The following TMEM63A variants were observed in gnomAD, a reference collection of about 807,000 sequenced individuals.
TMEM63A encodes mechanosensitive cation channel TMEM63A.
Under a neutral mutation model 100.6 loss-of-function variants are expected in TMEM63A, and 76 were observed. The observed-to-expected ratio is 0.76, with a 90% CI of 0.63 to 0.91. The LOEUF is 0.91. TMEM63A is among the 40% of genes least tolerant of loss of function. The probability of loss-of-function intolerance (pLI) is 0.00; values close to 1 mark genes in which losing one functional copy is unlikely to be tolerated. For missense variants in TMEM63A, 876 were observed against 1,008.8 expected, an observed-to-expected ratio of 0.87 and a Z score of 1.78; for synonymous variants, 401 against 401.1, an observed-to-expected ratio of 1.00 and a Z score of 0.00.
At position 225,867,867 on chromosome 1, in the gene TMEM63A, A is replaced by G; in HGVS notation, c.514+21T>C. 1.9e-6 allele frequency: 3 copies of G among 1,613,990 alleles called. No homozygotes were observed. The highest frequency in any genetic ancestry group is 2.5e-6 in the Non-Finnish European group (3 of 1,179,956). ...CACTCTGCCCCATTACAACATAGAC[A>G]AGGGTGAGGAGGGTCATTACCCAGC... On this transcript the variant is annotated intron_variant, in intron 7 of 24. Transcript: ENST00000366835. The surrounding 1 kb of genome is among the most constrained non-coding windows in gnomAD (Gnocchi z 4.6).
downstream of TMEM63A, among the ~76,000 whole-genome samples, chr1:225,841,740 T>G (rs1179050466): frequency 6.6e-6 from 1 of 152,026 alleles, no homozygotes; most frequent in Non-Finnish European, 1.5e-5. Flanking sequence ...TAGCTGGGAT[T>G]ACAGGCATGC....
At chr1:225,864,722 T>C (rs1223913475) in intron 10 of TMEM63A, 1 of 152,270 alleles carries the variant, frequency 6.6e-6, no homozygotes, top group Non-Finnish European at 1.5e-5. Flanking sequence ...TTTACGATCC[T>C]GTCTAGCAAT....
chr1:225,877,386 G>T lies in TMEM63A; in HGVS notation c.186+9C>A. 6.2e-7 allele frequency: 1 copy of T among 1,607,420 alleles called. No individual in the cohort carries two copies. The highest frequency in any genetic ancestry group is 8.5e-7 in the Non-Finnish European group (1 of 1,174,756). ...GAGGCAGTGGGACACGACTCATGAG[G>T]GCTCTCACCAGGAAGCAGCTGACGT... On this transcript the variant is annotated intron_variant, in intron 3 of 24. Transcript: ENST00000366835.
Position 225,867,170 on chromosome 1 carries a change from A to G in TMEM63A, c.515-7T>C, listed in dbSNP as rs979912751. On this transcript the variant is annotated splice_region_variant and splice_polypyrimidine_tract_variant and intron_variant, in intron 7 of 24. Transcript: ENST00000366835. This position sits in a 1 kb window ranked among gnomAD's most constrained non-coding sequence, Gnocchi z 4.6. ...AAACTATACGGGTCTTTGTCTGCAGAGAAGCACAGATACTTAGTTCCAGGG... is the reference window on the plus strand; with the variant it reads ...AAACTATACGGGTCTTTGTCTGCAGGGAAGCACAGATACTTAGTTCCAGGG... 5.0e-6 allele frequency: 8 copies of G among 1,614,136 alleles called. No individual in the cohort carries two copies. The South Asian group carries it at 7.7e-5, about 16-fold the overall frequency.
At chr1:225,864,176 A>ACCATGCAATACCC (rs914954567) in intron 10 of TMEM63A, 1 of 152,076 alleles carries the variant, frequency 6.6e-6, no homozygotes, top group African/African-American at 2.4e-5. Context: ...ATACCCCCTC[A>ACCATGCAATACCC]CCATACACGC....
In TMEM63A at chr1:225,846,747, C is replaced by T. The variant is rs1404660309; in HGVS notation, c.*192G>A. On this transcript the variant is annotated 3_prime_UTR_variant, in exon 25 of 25. Transcript: ENST00000366835. The stretch of plus-strand genomic sequence containing the variant: ...GTCACCCCAGCTGCAGAGCTGGAAG[C>T]TTGTGCCGGAGGGGAAACTGGGTGA... The T allele has an allele frequency of 9.2e-6, 3 of 326,564 alleles. No homozygotes were observed. The highest frequency in any genetic ancestry group is 1.7e-5 in the Non-Finnish European group (3 of 178,828). 20.2% of individuals were successfully genotyped at this position (326,564 alleles called of 1,614,324 possible). A position where few individuals can be genotyped will look rare whatever the true frequency, so the allele number is the denominator to read the frequency against.
chr1:225,874,308 G>A lies in TMEM63A; in HGVS notation c.246C>T (p.Ala82=), dbSNP rs756590613. The part of the protein sequence containing the change: ...RRRFWDYGRI[A]LVSEADSESR... ...TTTACCTGTCTGCTTCTGACACCAG[G>A]GCAATGCGGCCATAGTCCCAGAATC... Residue 82 remains alanine (A), a synonymous_variant, in exon 4 of 25, where the codon GCC becomes GCT. Coordinates refer to ENST00000366835, the MANE Select transcript of TMEM63A (RefSeq NM_014698.3). 3.1e-6 allele frequency: 5 copies of A among 1,614,010 alleles called. No individual in the cohort carries two copies. The South Asian group carries it at 4.4e-5, about 14-fold the overall frequency.
In TMEM63A at chr1:225,867,652, T is replaced by TG. The variant is rs1559046585; in HGVS notation, c.514+235dup. ...TGATAGCCCCTGATTCTGTAAATCT[T>TG]GGGGGGCTTTTTTCCCTATTTAAAT... On this transcript the variant is annotated intron_variant, in intron 7 of 24. Transcript: ENST00000366835. This position sits in a 1 kb window ranked among gnomAD's most constrained non-coding sequence, Gnocchi z 4.6. Among the ~76,000 whole-genome samples the TG allele has an allele frequency of 6.6e-6, 1 of 152,164 alleles. No homozygotes were observed. Among genetic ancestry groups the TG allele is most frequent in the South Asian group, 2.1e-4 (1 of 4,828 alleles).
At chr1:225,859,427 T>A in intron 14 of TMEM63A, 78 bp from the exon 15 acceptor site, 1 of 1,567,308 alleles carries the variant, frequency 6.4e-7, no homozygotes, top group Non-Finnish European at 8.7e-7. Flanking sequence ...AAGGTCAGAT[T>A]TAGGCAGACC....
At chr1:225,849,145 A>G in intron 21 of TMEM63A, 133 bp from the exon 22 acceptor site, 1 of 675,078 alleles carries the variant, frequency 1.5e-6, no homozygotes, top group Non-Finnish European at 2.6e-6. Context: ...AATAAAGGTA[A>G]GGCCTAACCC....
At chr1:225,878,889 C>T (rs6660058) in intron 2 of TMEM63A, among the ~76,000 whole-genome samples, 8 of 41,626 alleles carry the variant, frequency 1.9e-4, no homozygotes, top group East Asian at 1.5e-3. Context: ...CCTACCTACA[C>T]ACACACACAC....
chr1:225,858,426 G>T (rs1208321450), intron 15 of TMEM63A, among the ~76,000 whole-genome samples: 1 of 149,360 alleles, frequency 6.7e-6, no homozygotes, highest in Non-Finnish European at 1.5e-5. Context: ...CCCGGTTCAA[G>T]CGATTCTCCT....
Position 225,862,522 on chromosome 1 carries a change from T to G in TMEM63A, c.884A>C (p.Gln295Pro). The G allele has an allele frequency of 6.8e-6, 11 of 1,614,116 alleles. No individual in the cohort carries two copies. Among genetic ancestry groups the G allele is most frequent in the Non-Finnish European group, 9.3e-6 (11 of 1,179,992 alleles). ...GGGCTTGGGGTTGATGAGGGTCCGC[T>G]GGCCTGTCTTCACCTGCAGGTTTGT... ...YYTNLQVKTG[Q>P]RTLINPKPCG... The change falls in exon 12 of 25, where the codon CAG (glutamine) becomes CCG (proline). Residue 295 changes from glutamine to proline, a missense_variant. Physicochemically the swap from Gln to Pro is moderately conservative, Grantham distance 76 (BLOSUM62 -1). Coordinates refer to ENST00000366835, the MANE Select transcript of TMEM63A (RefSeq NM_014698.3). The surrounding 1 kb of genome is among the most constrained non-coding windows in gnomAD (Gnocchi z 5.1).
intron 3 of TMEM63A, among the ~76,000 whole-genome samples, chr1:225,876,939 G>A (rs576613111): frequency 2.0e-5 from 3 of 152,194 alleles, no homozygotes; most frequent in Non-Finnish European, 2.9e-5. Context: ...ATGAGCCACC[G>A]TACCTGGCCC....
At chr1:225,845,477 C>T (rs536429297), downstream of TMEM63A, 1 of 879,460 alleles carries the variant, frequency 1.1e-6, no homozygotes, top group Non-Finnish European at 1.8e-6. Flanking sequence ...CCACGCTCAC[C>T]CCCTCACCCC....
chr1:225,852,074 C>T (rs1669370065), intron 20 of TMEM63A, among the ~76,000 whole-genome samples: 1 of 152,282 alleles, frequency 6.6e-6, no homozygotes, highest in Non-Finnish European at 1.5e-5. Context: ...GACTCTGGCA[C>T]TGTCTTACTT....
chr1:225,865,924 CTGG>C lies in TMEM63A; in HGVS notation c.716_718del (p.Ala239_Arg240delinsGly), dbSNP rs759307866. On this transcript the variant is annotated inframe_deletion, in exon 10 of 25. Coordinates refer to ENST00000366835, the MANE Select transcript of TMEM63A (RefSeq NM_014698.3). This position sits in a 1 kb window ranked among gnomAD's most constrained non-coding sequence, Gnocchi z 4.6. ...GAAGTGGCTCTCCACAGTCTCCTTC[CTGG>C]CATCTCTGGGGAGTCCTGTGATGAA... 17 of 1,614,068 alleles carry C rather than the reference CTGG, an allele frequency of 1.1e-5. No homozygotes were observed. Among genetic ancestry groups the C allele is most frequent in the Middle Eastern group, 3.3e-4 (2 of 6,054 alleles).
At chr1:225,869,921 A>G (rs1036761494) in intron 6 of TMEM63A, among the ~76,000 whole-genome samples, 1 of 151,394 alleles carries the variant, frequency 6.6e-6, no homozygotes, top group African/African-American at 2.4e-5. Flanking sequence ...TCAGCCTCCC[A>G]AAGCGTTGGG....
intron 10 of TMEM63A, chr1:225,864,765 C>T (rs542714898): frequency 6.6e-6 from 1 of 152,204 alleles, no homozygotes. Flanking sequence ...ACAAATAGTG[C>T]AAAGTTAAAG....
Sources: allele counts gnomAD v4.1 joint callset (sites outside exome capture counted in the v4.1 genomes callset), GRCh38; gene constraint gnomAD v4.1.1; non-coding constraint Gnocchi (gnomAD v3.1); transcripts MANE v1.5; gene names NCBI Gene and HGNC (gene_info 2026-07-23, HGNC 2026-07-21).